VASH2: variants seen among roughly 807,000 people sequenced by gnomAD.
VASH2 encodes vasohibin 2, also known as tubulinyl-Tyr carboxypeptidase 2.
In VASH2, 28 loss-of-function variants were observed where a neutral mutation model predicts 37.2. That is an observed-to-expected ratio of 0.75 (90% CI 0.56 to 1.03). The LOEUF is 1.03. Ranked by LOEUF, VASH2 falls within the 50% of genes least tolerant of loss-of-function variation. The pLI, the probability that VASH2 is intolerant of heterozygous loss-of-function variation, is 0.00. For missense variants in VASH2, 419 were observed against 459.1 expected (o/e 0.91, Z 0.80); for synonymous variants, 188 against 174.7 (o/e 1.08, Z -0.60).
chr1:212,979,981 C>A (rs371100773), intron 7 of VASH2, among the ~76,000 whole-genome samples: 7 of 152,300 alleles, frequency 4.6e-5, no homozygotes, highest in African/African-American at 1.4e-4. Context: ...ACTGGGTCAG[C>A]TCTGGGAGAG....
In VASH2 at chr1:212,951,603, C is replaced by G. The variant is rs1287233323; in HGVS notation, c.61C>G (p.Arg21Gly). 6.4e-7 allele frequency: 1 copy of G among 1,553,928 alleles called. No homozygotes were observed. The highest frequency in any genetic ancestry group is 8.7e-7 in the Non-Finnish European group (1 of 1,149,082). Reference sequence around the variant, plus strand: ...CCACCCCAAAGGCGCCAAAGGCACCCGGTCCCGGAGCAGCCACGCGCGGCC... The same window carrying G: ...CCACCCCAAAGGCGCCAAAGGCACCGGGTCCCGGAGCAGCCACGCGCGGCC... ...CPHPKGAKGT[R>G]SRSSHARPVS... The change falls in exon 2 of 8, where the codon CGG becomes GGG. Residue 21 changes from arginine to glycine, a missense_variant. Physicochemically the swap from Arg to Gly is moderately radical, Grantham distance 125. Transcript: ENST00000517399. The surrounding 1 kb of genome is among the most constrained non-coding windows in gnomAD (Gnocchi z 4.4).
chr1:212,957,080 C>CT (rs1436974449), intron 2 of VASH2, among the ~76,000 whole-genome samples: 6 of 152,220 alleles, frequency 3.9e-5, no homozygotes, highest in Non-Finnish European at 7.3e-5. Flanking sequence ...GTCTCTATGA[C>CT]TTTGACTACT....
intron 7 of VASH2, among the ~76,000 whole-genome samples, chr1:212,977,505 T>C (rs1667212572): frequency 6.8e-6 from 1 of 147,432 alleles, no homozygotes; most frequent in South Asian, 2.2e-4. Flanking sequence ...TGGGGTCACA[T>C]GGTATGGAAG....
intron 5 of VASH2, among the ~76,000 whole-genome samples, chr1:212,969,481 C>A (rs950387505): frequency 1.3e-5 from 2 of 152,108 alleles, no homozygotes; most frequent in African/African-American, 4.8e-5. Context: ...TAGGCGTGAA[C>A]CACTGCACCT....
chr1:212,967,376 C>T, intron 5 of VASH2: 1 of 1,204,040 alleles, frequency 8.3e-7, no homozygotes, highest in African/African-American at 1.6e-5. Context: ...GCCTGATCTG[C>T]CACAATCAGA....
chr1:212,972,823 G>C lies in VASH2; in HGVS notation c.741G>C (p.Lys247Asn). The change falls in exon 6 of 8, where the codon AAG becomes AAC. Residue 247 changes from lysine to asparagine, a missense_variant. By Grantham distance (94) the Lys-to-Asn change is moderately conservative. Coordinates refer to ENST00000517399, the MANE Select transcript of VASH2 (RefSeq NM_001301056.2). ...ACCTGCACACAGTCAAGAAGGTCAAGATTGGGCTGTACGTCCCCCATGAGC... is the reference window on the plus strand; with the variant it reads ...ACCTGCACACAGTCAAGAAGGTCAACATTGGGCTGTACGTCCCCCATGAGC... ...KKYLHTVKKV[K>N]IGLYVPHEPH... 1.2e-6 allele frequency: 2 copies of C among 1,614,206 alleles called. No individual in the cohort carries two copies. The highest frequency in any genetic ancestry group is 1.7e-6 in the Non-Finnish European group (2 of 1,180,038).
At position 212,989,449 on chromosome 1, in the gene VASH2, A is replaced by C. The variant is rs1006862692; in HGVS notation, c.*865A>C. 3 of 152,232 alleles carry C rather than the reference A, an allele frequency of 2.0e-5. No individual in the cohort carries two copies. The highest frequency in any genetic ancestry group is 7.2e-5 in the African/African-American group (3 of 41,454). The allele number at this position is 152,232 out of a possible 1,614,324, so 9.4% of individuals were successfully genotyped here. ...TACTGGATTTACCTCTGACATTAAC[A>C]CACTCAGGCAGAGACCAGGAGTGAT... On this transcript the variant is annotated 3_prime_UTR_variant, in exon 8 of 8. Transcript: ENST00000517399.
At chr1:212,972,488 C>T in intron 5 of VASH2, 92 bp from the exon 6 acceptor site, 1 of 1,497,204 alleles carries the variant, frequency 6.7e-7, no homozygotes, top group Middle Eastern at 1.7e-4. Context: ...GGGGGATGGA[C>T]TCACTGAACC....
chr1:212,967,597 A>G (rs778386227), intron 5 of VASH2: 1 of 325,672 alleles, frequency 3.1e-6, no homozygotes, highest in Non-Finnish European at 5.1e-6. Context: ...GCTTAGGTAT[A>G]TGCTCTAGAG....
At chr1:212,985,138 CA>C in intron 7 of VASH2, among the ~76,000 whole-genome samples, 1 of 151,552 alleles carries the variant, frequency 6.6e-6, no homozygotes, top group East Asian at 1.9e-4. Flanking sequence ...CCTCCCATCT[CA>C]GCCTTCCAAG....
chr1:212,959,670 G>A (rs985761398), intron 2 of VASH2, among the ~76,000 whole-genome samples: 6 of 152,248 alleles, frequency 3.9e-5, no homozygotes, highest in South Asian at 2.1e-4. Flanking sequence ...GGGGGGCAGC[G>A]TGCCCTCAGC....
At chr1:212,953,395 G>A (rs1222560977) in intron 2 of VASH2, among the ~76,000 whole-genome samples, 1 of 152,102 alleles carries the variant, frequency 6.6e-6, no homozygotes, top group African/African-American at 2.4e-5. Context: ...AGAGTCGATT[G>A]TTAGGAAGCT....
At chr1:212,968,867 T>G in intron 5 of VASH2, 1 of 985,446 alleles carries the variant, frequency 1.0e-6, no homozygotes, top group South Asian at 4.7e-5. Flanking sequence ...TCAGACTCTT[T>G]GTTGAGGGGT....
intron 2 of VASH2, among the ~76,000 whole-genome samples, 199 bp from the exon 3 acceptor site, chr1:212,960,967 C>CA (rs935567180): frequency 6.6e-6 from 1 of 152,198 alleles, no homozygotes; most frequent in African/African-American, 2.4e-5. Context: ...GGCAGAGCTT[C>CA]AATGAGGGAC....
At chr1:212,962,806 C>G (rs3104213) in intron 3 of VASH2, among the ~76,000 whole-genome samples, 99,828 of 152,040 alleles carry the variant, frequency 0.66, 33,741 homozygotes, top group African/African-American at 0.83. Context: ...AGGCTGTCTG[C>G]TGTTTGTGCT....
chr1:212,964,953 C>T (rs1666795321), intron 3 of VASH2, among the ~76,000 whole-genome samples: 1 of 147,256 alleles, frequency 6.8e-6, no homozygotes, highest in South Asian at 2.1e-4. Flanking sequence ...CAGAATATCA[C>T]TATGTTGCCC....
At chr1:212,953,936 G>A (rs114868148) in intron 2 of VASH2, among the ~76,000 whole-genome samples, 2,608 of 152,042 alleles carry the variant, frequency 0.017, 67 homozygotes, top group African/African-American at 0.061. Context: ...TGGAGACAAG[G>A]CCTTCCTCTG....
Position 212,961,274 on chromosome 1 carries a change from C to A in VASH2, c.365+20C>A, listed in dbSNP as rs1666668974. The stretch of plus-strand genomic sequence containing the variant: ...CCTACAGTATCCTTCCAACCAAGGT[C>A]TGAGCACACCCAGCCAGGGGACAGG... On this transcript the variant is annotated intron_variant, in intron 3 of 7. Coordinates refer to ENST00000517399, the MANE Select transcript of VASH2 (RefSeq NM_001301056.2). The A allele has an allele frequency of 1.9e-6, 3 of 1,614,168 alleles. No individual in the cohort carries two copies. The highest frequency in any genetic ancestry group is 2.5e-6 in the Non-Finnish European group (3 of 1,180,004).
At chr1:212,977,904 C>T (rs946642560) in intron 7 of VASH2, among the ~76,000 whole-genome samples, 8 of 152,190 alleles carry the variant, frequency 5.3e-5, no homozygotes, top group East Asian at 1.9e-4. Flanking sequence ...CAGGCCTCCA[C>T]CTGTGTTTGA....
Sources: allele counts gnomAD v4.1 joint callset (sites outside exome capture counted in the v4.1 genomes callset), GRCh38; gene constraint gnomAD v4.1.1; non-coding constraint Gnocchi (gnomAD v3.1); transcripts MANE v1.5; gene names NCBI Gene and HGNC (gene_info 2026-07-23, HGNC 2026-07-21).